The following CLCN3 variants were observed in gnomAD, a reference collection of about 807,000 sequenced individuals.
The protein encoded by CLCN3 is Cl-/H+ antiporter 3.
Under a neutral mutation model 83.4 loss-of-function variants are expected in CLCN3, and 16 were observed. The ratio of observed to expected loss-of-function variants is 0.19; its 90% CI spans 0.13 to 0.29. CLCN3 has a LOEUF of 0.29. Ranked by LOEUF, CLCN3 falls within the 10% of genes least tolerant of loss-of-function variation. CLCN3 has a pLI of 1.00. For missense variants in CLCN3, 544 were observed against 1,006.0 expected (o/e 0.54, Z 6.21); for synonymous variants, 322 against 346.2 (o/e 0.93, Z 0.78).
At chr4:169,693,160 A>G (rs1732435945) in intron 7 of CLCN3, among the ~76,000 whole-genome samples, 1 of 152,218 alleles carries the variant, frequency 6.6e-6, no homozygotes, top group South Asian at 2.1e-4. Flanking sequence ...ACTGTAACCA[A>G]AAAAGTAGAA....
rs540104817 is a variant in CLCN3 at position 169,641,104 on chromosome 4, T to C, written c.160+5016T>C. ...TATACATAACTTTAAAAAATAAAAA[T>C]AAAAACAGCCTTGGAAGCTGGGTGC... is the stretch of plus-strand genomic sequence containing the variant. On this transcript the variant is annotated intron_variant, in intron 2 of 12. Coordinates refer to ENST00000513761, the MANE Select transcript of CLCN3 (RefSeq NM_001829.4). Among the ~76,000 whole-genome samples, 152 of 152,030 alleles carry C rather than the reference T, an allele frequency of 1.0e-3. 1 individual carries two copies. The highest frequency in any genetic ancestry group is 3.6e-3 in the African/African-American group (148 of 41,468).
At chr4:169,696,936 A>T (rs1314817252) in intron 8 of CLCN3, among the ~76,000 whole-genome samples, 3 of 152,048 alleles carry the variant, frequency 2.0e-5, no homozygotes, top group Admixed American at 2.0e-4. Context: ...TTTGAATATA[A>T]AACAGCACTA....
At chr4:169,668,022 AG>A (rs1231791703) in intron 2 of CLCN3, among the ~76,000 whole-genome samples, 1 of 142,466 alleles carries the variant, frequency 7.0e-6, no homozygotes, top group African/African-American at 2.6e-5. Context: ...TACAGGTGTG[AG>A]CCACCGCGCC....
At position 169,690,607 on chromosome 4, in the gene CLCN3, G is replaced by C; in HGVS notation, c.684G>C (p.Leu228=). 6.2e-7 allele frequency: 1 copy of C among 1,613,630 alleles called. No individual in the cohort carries two copies. The highest frequency in any genetic ancestry group is 8.5e-7 in the Non-Finnish European group (1 of 1,179,662). The change falls in exon 6 of 13, where the codon CTG becomes CTC. Residue 228 remains leucine, a synonymous_variant. Transcript: ENST00000513761. ...ALSFAFLAVS[L]VKVFAPYACG... is the part of the protein sequence containing the mutation. ...GTTTTGCCTTTCTTGCAGTTTCCCTGGTAAAGGTATTTGCTCCATATGCCT... is the reference window on the plus strand; with the variant it reads ...GTTTTGCCTTTCTTGCAGTTTCCCTCGTAAAGGTATTTGCTCCATATGCCT...
intron 2 of CLCN3, among the ~76,000 whole-genome samples, chr4:169,655,657 G>A (rs578218589): frequency 1.3e-5 from 2 of 152,206 alleles, no homozygotes; most frequent in Non-Finnish European, 2.9e-5. Context: ...ACTATGTCCA[G>A]CTCATTTTTA....
At chr4:169,653,141 C>T (rs76226913) in intron 2 of CLCN3, among the ~76,000 whole-genome samples, 2,800 of 152,144 alleles carry the variant, frequency 0.018, 73 homozygotes, top group African/African-American at 0.063. Context: ...TTTTAAAAAA[C>T]GTCCCTACCC....
intron 2 of CLCN3, among the ~76,000 whole-genome samples, chr4:169,661,657 C>A (rs182265878): frequency 6.6e-6 from 1 of 152,088 alleles, no homozygotes; most frequent in African/African-American, 2.4e-5. Context: ...ATACATTGTG[C>A]TTTCTCTTAC....
At chr4:169,659,827 T>C (rs1055776600) in intron 2 of CLCN3, among the ~76,000 whole-genome samples, 2 of 152,134 alleles carry the variant, frequency 1.3e-5, no homozygotes, top group African/African-American at 4.8e-5. Flanking sequence ...TGTATAAAAC[T>C]AGTACATTCT....
intron 5 of CLCN3, 64 bp from the exon 6 acceptor site, chr4:169,690,466 C>T: frequency 6.6e-7 from 1 of 1,520,386 alleles, no homozygotes; most frequent in Admixed American, 1.9e-5. Context: ...TTTCTTATGA[C>T]AAGCATTTGC....
At chr4:169,680,021 A>G (rs33965812) in intron 2 of CLCN3, 29 bp from the exon 3 acceptor site, 351,102 of 1,571,824 alleles carry the variant, frequency 0.22, 42,718 homozygotes, top group South Asian at 0.3. Flanking sequence ...CTTCTAAAAC[A>G]TACTCATCTT....
Position 169,698,398 on chromosome 4 carries a change from G to A in CLCN3, c.1563+664G>A, listed in dbSNP as rs11931569. Among the ~76,000 whole-genome samples, 567 of 152,082 alleles carry A rather than the reference G, an allele frequency of 3.7e-3. 2 individuals are homozygous for A. The highest frequency in any genetic ancestry group is 0.013 in the African/African-American group (543 of 41,494). On this transcript the variant is annotated intron_variant, in intron 9 of 12. Coordinates refer to ENST00000513761, the MANE Select transcript of CLCN3 (RefSeq NM_001829.4). ...TACTGTGTCTCTTGTGCTCACTCCC[G>A]CTGTCTCTCTCTCTTTCTCTCGCTT... is the stretch of plus-strand genomic sequence containing the variant.
chr4:169,639,400 C>G (rs1275935192), intron 2 of CLCN3, among the ~76,000 whole-genome samples: 1 of 152,070 alleles, frequency 6.6e-6, no homozygotes, highest in Non-Finnish European at 1.5e-5. Flanking sequence ...TGTGGAGTAG[C>G]AGTCAAAAAT....
In CLCN3 at chr4:169,723,356, A is replaced by G. The variant is rs1733696946; in HGVS notation, c.*3359A>G. 1 of 152,196 alleles carries G rather than the reference A, an allele frequency of 6.6e-6. No individual in the cohort carries two copies. Among genetic ancestry groups the G allele is most frequent in the South Asian group, 2.1e-4 (1 of 4,830 alleles). 9.4% of individuals were successfully genotyped at this position (152,196 alleles called of 1,614,324 possible). On this transcript the variant is annotated 3_prime_UTR_variant, in exon 13 of 13. Coordinates refer to ENST00000513761, the MANE Select transcript of CLCN3 (RefSeq NM_001829.4). ...CTTTGCAAGCAAGGAGCAATAGAAGAGTAGATAGATGCTGGATTGACAGCA... is the reference window on the plus strand; with the variant it reads ...CTTTGCAAGCAAGGAGCAATAGAAGGGTAGATAGATGCTGGATTGACAGCA...
At chr4:169,707,594 C>T (rs1273645315) in intron 11 of CLCN3, among the ~76,000 whole-genome samples, 1 of 152,108 alleles carries the variant, frequency 6.6e-6, no homozygotes, top group African/African-American at 2.4e-5. Flanking sequence ...TAGCTAAATG[C>T]ATTCAGTCAA....
intron 2 of CLCN3, among the ~76,000 whole-genome samples, chr4:169,678,306 G>A (rs1340408828): frequency 2.6e-5 from 4 of 152,198 alleles, no homozygotes; most frequent in Non-Finnish European, 1.5e-5. Context: ...ACTCGGGCTT[G>A]ACTTTAAGAG....
intron 2 of CLCN3, among the ~76,000 whole-genome samples, chr4:169,641,916 A>G (rs1730424040): frequency 6.6e-6 from 1 of 152,198 alleles, no homozygotes; most frequent in East Asian, 1.9e-4. Context: ...AAATATACTA[A>G]TAATCTACTT....
chr4:169,711,308 T>C (rs1396653701), intron 11 of CLCN3, among the ~76,000 whole-genome samples: 1 of 152,240 alleles, frequency 6.6e-6, no homozygotes, highest in African/African-American at 2.4e-5. Flanking sequence ...TTAATGGGTA[T>C]TTTTCAAAAA....
In CLCN3 at chr4:169,722,485, T is replaced by C. The variant is rs1340389558; in HGVS notation, c.*2488T>C. 2.0e-5 allele frequency: 3 copies of C among 152,242 alleles called. No individual in the cohort carries two copies. Among genetic ancestry groups the C allele is most frequent in the South Asian group, 2.1e-4 (1 of 4,834 alleles). The allele number at this position is 152,242 out of a possible 1,614,324, so 9.4% of individuals were successfully genotyped here. ...AGTGTATTTGCCTGTGTGCAACGTA[T>C]TGCTAGACTATGAACTCCTCAGCAT... is the stretch of plus-strand genomic sequence containing the variant. On this transcript the variant is annotated 3_prime_UTR_variant, in exon 13 of 13. Coordinates refer to ENST00000513761, the MANE Select transcript of CLCN3 (RefSeq NM_001829.4).
intron 12 of CLCN3, among the ~76,000 whole-genome samples, chr4:169,714,097 C>A (rs897782161): frequency 8.5e-5 from 13 of 152,204 alleles, no homozygotes; most frequent in African/African-American, 2.4e-4. Flanking sequence ...TTTCTCCACA[C>A]TTCTTTCTTT....
Sources: allele counts gnomAD v4.1 joint callset (sites outside exome capture counted in the v4.1 genomes callset), GRCh38; gene constraint gnomAD v4.1.1; transcripts MANE v1.5; gene names NCBI Gene and HGNC (gene_info 2026-07-23, HGNC 2026-07-21).